NAALADL2: variants seen among roughly 807,000 people sequenced by gnomAD.
NAALADL2 encodes inactive N-acetylated-alpha-linked acidic dipeptidase-like protein 2.
A neutral mutation model predicts 87.2 loss-of-function variants in NAALADL2; 76 were observed. That is an observed-to-expected ratio of 0.87 (90% CI 0.72 to 1.05). The LOEUF (loss-of-function observed/expected upper bound fraction) is 1.05. Ranked by LOEUF, NAALADL2 falls within the 50% of genes least tolerant of loss-of-function variation. The pLI is 0.00. For missense variants in NAALADL2, 1,089 were observed against 945.8 expected (o/e 1.15, Z -1.99); for synonymous variants, 354 against 331.0 (o/e 1.07, Z -0.75).
At chr3:175,397,861 G>T (rs1444693703) in intron 5 of NAALADL2, among the ~76,000 whole-genome samples, 1 of 152,042 alleles carries the variant, frequency 6.6e-6, no homozygotes, top group East Asian at 1.9e-4. Flanking sequence ...AAGATTAGGG[G>T]CCTTTTTGCT....
chr3:175,528,195 G>A (rs1733668124), intron 9 of NAALADL2, among the ~76,000 whole-genome samples: 1 of 151,986 alleles, frequency 6.6e-6, no homozygotes, highest in South Asian at 2.1e-4. Context: ...ATAACGGGGA[G>A]TTTATTAAGT....
At chr3:175,691,424 T>A (rs1380432367) in intron 11 of NAALADL2, among the ~76,000 whole-genome samples, 1 of 151,732 alleles carries the variant, frequency 6.6e-6, no homozygotes, top group African/African-American at 2.4e-5. Flanking sequence ...ACACAAAAAA[T>A]TTCTGTCTTT....
At chr3:175,622,361 T>C (rs961843226) in intron 10 of NAALADL2, among the ~76,000 whole-genome samples, 19 of 152,150 alleles carry the variant, frequency 1.2e-4, no homozygotes, top group Admixed American at 5.9e-4. Flanking sequence ...TATCACTTAA[T>C]TGATATACGT....
intron 3 of NAALADL2, among the ~76,000 whole-genome samples, chr3:174,759,863 G>A (rs1328990107): frequency 1.3e-5 from 2 of 152,012 alleles, no homozygotes; most frequent in Non-Finnish European, 2.9e-5. Context: ...ACCACACCCA[G>A]CTAATTTTTG....
intron 3 of NAALADL2, among the ~76,000 whole-genome samples, chr3:174,814,456 C>A (rs192545121): frequency 3.3e-5 from 5 of 152,006 alleles, no homozygotes. Flanking sequence ...ATGTATCTTG[C>A]GTGTGATCTT....
At chr3:175,010,141 T>A (rs1467616611) in intron 1 of NAALADL2, among the ~76,000 whole-genome samples, 2 of 152,140 alleles carry the variant, frequency 1.3e-5, no homozygotes, top group Admixed American at 6.6e-5. Flanking sequence ...TAATATTATA[T>A]AACACACAGT....
intron 2 of NAALADL2, among the ~76,000 whole-genome samples, chr3:174,619,979 C>T (rs1427941393): frequency 1.3e-5 from 2 of 151,708 alleles, no homozygotes; most frequent in African/African-American, 2.4e-5. Context: ...TATTACTTCC[C>T]ATCTTATGTA....
At chr3:174,730,149 T>C (rs758801780) in intron 2 of NAALADL2, among the ~76,000 whole-genome samples, 2 of 152,106 alleles carry the variant, frequency 1.3e-5, no homozygotes, top group Non-Finnish European at 2.9e-5. Context: ...TGACCTACTG[T>C]CCTTCTAAGT....
chr3:174,936,866 A>T (rs532959684), intron 1 of NAALADL2, among the ~76,000 whole-genome samples: 1 of 152,128 alleles, frequency 6.6e-6, no homozygotes, highest in Non-Finnish European at 1.5e-5. Flanking sequence ...AGAGGGACAT[A>T]AGGAAACTTG....
chr3:174,781,245 C>T (rs1301501713), intron 3 of NAALADL2, among the ~76,000 whole-genome samples: 1 of 152,024 alleles, frequency 6.6e-6, no homozygotes, highest in East Asian at 2.0e-4. Flanking sequence ...GTGAATCTGA[C>T]AATTATGTGT....
rs1471603883 is a variant in NAALADL2 at position 175,184,923 on chromosome 3, T to C, written c.546-49008T>C. On this transcript the variant is annotated intron_variant, in intron 2 of 13. Coordinates refer to ENST00000454872, the MANE Select transcript of NAALADL2 (RefSeq NM_207015.3). ...TATCAAATAATTGCCCCACCACAAA[T>C]AATAGTTTATTGTCATTTAAATTAC... 3.3e-5 allele frequency among the ~76,000 whole-genome samples: 5 copies of C among 152,084 alleles called. No homozygotes were observed. In the East Asian group the frequency reaches 7.7e-4, roughly 23 times the overall value.
At chr3:174,786,400 G>A (rs1000016058) in intron 3 of NAALADL2, among the ~76,000 whole-genome samples, 34 of 144,266 alleles carry the variant, frequency 2.4e-4, no homozygotes, top group Non-Finnish European at 4.6e-4. Context: ...GCAGTGAGCC[G>A]AGATCACACC....
intron 2 of NAALADL2, among the ~76,000 whole-genome samples, chr3:174,627,237 A>G (rs1721661156): frequency 6.6e-6 from 1 of 152,206 alleles, no homozygotes; most frequent in Admixed American, 6.5e-5. Context: ...ATTCTTGTAA[A>G]GAAAGAAACC....
chr3:175,461,177 A>G (rs1025744481), intron 6 of NAALADL2, among the ~76,000 whole-genome samples: 6 of 151,822 alleles, frequency 4.0e-5, no homozygotes, highest in African/African-American at 1.5e-4. Context: ...GCGTTTTTCC[A>G]GAGTGCTGAT....
At chr3:175,584,086 A>G (rs1300195942) in intron 10 of NAALADL2, among the ~76,000 whole-genome samples, 2 of 150,488 alleles carry the variant, frequency 1.3e-5, no homozygotes, top group African/African-American at 2.5e-5. Context: ...CACCCAGGCT[A>G]GAGTGCATTG....
intron 1 of NAALADL2, among the ~76,000 whole-genome samples, chr3:175,084,288 T>A (rs1718442648): frequency 6.6e-6 from 1 of 152,148 alleles, no homozygotes; most frequent in African/African-American, 2.4e-5. Context: ...CTGGCCTATT[T>A]TTTTGCTCCA....
At chr3:175,699,786 C>T (rs1738729347) in intron 11 of NAALADL2, among the ~76,000 whole-genome samples, 2 of 152,076 alleles carry the variant, frequency 1.3e-5, no homozygotes, top group Non-Finnish European at 2.9e-5. Flanking sequence ...TCATAGGATT[C>T]TTTCTCAGCA....
At chr3:174,640,976 C>T (rs1723119716) in intron 2 of NAALADL2, among the ~76,000 whole-genome samples, 2 of 152,206 alleles carry the variant, frequency 1.3e-5, no homozygotes, top group East Asian at 3.9e-4. Flanking sequence ...AGAGACCGTT[C>T]CTTCCCCCGG....
chr3:174,501,829 C>T (rs778314270), intron 1 of NAALADL2, among the ~76,000 whole-genome samples: 17 of 151,904 alleles, frequency 1.1e-4, no homozygotes, highest in Non-Finnish European at 1.8e-4. Flanking sequence ...TTGTTCTCCA[C>T]GTAATTCTTT....
Sources: gnomAD v4.1 joint callset for allele counts (sites outside exome capture counted in the v4.1 genomes callset) on GRCh38, gnomAD v4.1.1 for gene constraint, MANE v1.5 for transcripts, NCBI Gene and HGNC (gene_info 2026-07-23, HGNC 2026-07-21) for gene names.